The following FARS2 variants were observed in gnomAD, a reference collection of about 807,000 sequenced individuals.
FARS2 encodes the protein phenylalanyl-tRNA synthetase 2, mitochondrial.
In FARS2, 40 loss-of-function variants were observed where a neutral mutation model predicts 46.4. The observed-to-expected ratio is 0.86, with a 90% CI of 0.67 to 1.12. The LOEUF is 1.12. Ranked by LOEUF, FARS2 falls within the 50% of genes most tolerant of loss-of-function variation. The pLI is 0.00. For synonymous variants in FARS2, 234 were observed against 214.9 expected (o/e 1.09, Z -0.78); for missense variants, 513 against 567.9 (o/e 0.90, Z 0.98).
At chr6:5,328,266 A>G (rs1230023506) in intron 1 of FARS2, among the ~76,000 whole-genome samples, 4 of 152,012 alleles carry the variant, frequency 2.6e-5, no homozygotes, top group Admixed American at 6.5e-5. Flanking sequence ...GTTTACCCTT[A>G]CCCCCAAAGC....
chr6:5,606,675 T>A (rs955447858), intron 5 of FARS2, among the ~76,000 whole-genome samples: 7 of 152,186 alleles, frequency 4.6e-5, no homozygotes, highest in Non-Finnish European at 1.0e-4. Flanking sequence ...AGGACTTTGT[T>A]ACTCAGCACA....
intron 6 of FARS2, among the ~76,000 whole-genome samples, chr6:5,689,033 G>T (rs1251700611): frequency 6.6e-6 from 1 of 152,118 alleles, no homozygotes; most frequent in Non-Finnish European, 1.5e-5. Context: ...TATTTCTGTG[G>T]GATCAGTGGT....
chr6:5,421,372 G>A (rs376530766), intron 3 of FARS2, among the ~76,000 whole-genome samples: 8 of 152,302 alleles, frequency 5.3e-5, no homozygotes, highest in African/African-American at 1.9e-4. Flanking sequence ...TGATGAGAAG[G>A]GCTGCCACAA....
At chr6:5,494,834 G>T (rs997969967) in intron 4 of FARS2, among the ~76,000 whole-genome samples, 1 of 152,094 alleles carries the variant, frequency 6.6e-6, no homozygotes, top group African/African-American at 2.4e-5. Flanking sequence ...CTAGTTCAAG[G>T]TGTCCTAATG....
chr6:5,479,336 TC>T (rs1173526095), intron 4 of FARS2, among the ~76,000 whole-genome samples: 1 of 152,202 alleles, frequency 6.6e-6, no homozygotes. Flanking sequence ...CATATTCCAT[TC>T]CAGGAGATAC....
intron 4 of FARS2, among the ~76,000 whole-genome samples, chr6:5,480,936 T>C (rs1446969733): frequency 6.6e-6 from 1 of 152,222 alleles, no homozygotes; most frequent in African/African-American, 2.4e-5. Flanking sequence ...AGTGTGTGTA[T>C]GTGCACACGC....
intron 5 of FARS2, among the ~76,000 whole-genome samples, chr6:5,557,113 A>C (rs904880189): frequency 4.6e-5 from 7 of 152,166 alleles, no homozygotes; most frequent in South Asian, 4.1e-4. Context: ...GTAGAAAGAA[A>C]GGTCGTATCA....
chr6:5,428,335 A>G (rs1159503639), intron 3 of FARS2, among the ~76,000 whole-genome samples: 2 of 152,196 alleles, frequency 1.3e-5, no homozygotes, highest in Admixed American at 6.5e-5. Flanking sequence ...AAACTGAGAA[A>G]GTAAACTTGT....
intron 5 of FARS2, among the ~76,000 whole-genome samples, chr6:5,559,336 C>T (rs1031999303): frequency 3.9e-5 from 6 of 151,978 alleles, no homozygotes; most frequent in South Asian, 2.1e-4. Flanking sequence ...CCGGGGAGGT[C>T]GAGGCTGCAG....
chr6:5,336,048 T>A (rs1377034185), intron 1 of FARS2, among the ~76,000 whole-genome samples: 2 of 152,304 alleles, frequency 1.3e-5, no homozygotes, highest in African/African-American at 4.8e-5. Context: ...AGAGGAGCAG[T>A]GGACCTGTTT....
intron 6 of FARS2, among the ~76,000 whole-genome samples, chr6:5,703,586 T>C (rs1206810927): frequency 6.6e-6 from 1 of 152,230 alleles, no homozygotes; most frequent in Non-Finnish European, 1.5e-5. Context: ...TGATTTCATC[T>C]ACTTCACACT....
At chr6:5,742,505 A>G (rs958143112) in intron 6 of FARS2, among the ~76,000 whole-genome samples, 4 of 152,182 alleles carry the variant, frequency 2.6e-5, no homozygotes, top group African/African-American at 9.7e-5. Flanking sequence ...CCTGACTTCA[A>G]TGAGAATTTC....
At chr6:5,675,738 A>G (rs1414878116) in intron 6 of FARS2, among the ~76,000 whole-genome samples, 2 of 152,242 alleles carry the variant, frequency 1.3e-5, no homozygotes, top group Non-Finnish European at 2.9e-5. Context: ...AATTCAGTAA[A>G]AATTTCAGAG....
intron 1 of FARS2, among the ~76,000 whole-genome samples, chr6:5,276,060 GA>G (rs1329200188): frequency 6.6e-6 from 1 of 152,078 alleles, no homozygotes; most frequent in East Asian, 1.9e-4. Context: ...ATTGCATTTG[GA>G]AACCCTATTT....
chr6:5,602,619 T>C (rs9504446), intron 5 of FARS2, among the ~76,000 whole-genome samples: 41,160 of 132,680 alleles, frequency 0.31, 6,860 homozygotes, highest in African/African-American at 0.49. Context: ...TGCACTCCAG[T>C]CTGGCAATAG....
rs572999303 is a variant in FARS2, at chr6:5,286,763, G to A, written c.-22+25103G>A. ...ATTATGTATATAGAACATGCATAAT[G>A]TATACTTTATTATTATGTATGTAAC... On this transcript the variant is annotated intron_variant, in intron 1 of 6. Coordinates refer to ENST00000274680, the MANE Select transcript of FARS2 (RefSeq NM_006567.5). Among the ~76,000 whole-genome samples the A allele has an allele frequency of 1.2e-4, 18 of 152,256 alleles. No homozygotes were observed. In the South Asian group the frequency reaches 1.5e-3, roughly 12 times the overall value.
chr6:5,523,499 G>T (rs991928689), intron 4 of FARS2, among the ~76,000 whole-genome samples: 1 of 152,042 alleles, frequency 6.6e-6, no homozygotes, highest in Non-Finnish European at 1.5e-5. Context: ...GGAAGCCCGG[G>T]CATGGGCGAT....
intron 4 of FARS2, among the ~76,000 whole-genome samples, chr6:5,530,656 T>C (rs893133028): frequency 1.8e-4 from 27 of 147,632 alleles, no homozygotes; most frequent in Admixed American, 1.5e-3. Context: ...TTTAAAAATA[T>C]ATTTATATAT....
chr6:5,487,971 T>C (rs1282251790), intron 4 of FARS2, among the ~76,000 whole-genome samples: 1 of 152,204 alleles, frequency 6.6e-6, no homozygotes, highest in Non-Finnish European at 1.5e-5. Context: ...GAAGCTGGAC[T>C]CTGGGGCTTA....
Sources: gnomAD v4.1 joint callset for allele counts (sites outside exome capture counted in the v4.1 genomes callset) on GRCh38, gnomAD v4.1.1 for gene constraint, MANE v1.5 for transcripts, NCBI Gene and HGNC (gene_info 2026-07-23, HGNC 2026-07-21) for gene names.